SH2D4A: variants seen among roughly 807,000 people sequenced by gnomAD.
SH2D4A encodes SH2 domain-containing protein 4A.
In SH2D4A, 70 loss-of-function variants were observed where a neutral mutation model predicts 64.7. The ratio of observed to expected loss-of-function variants is 1.08; its 90% confidence interval spans 0.89 to 1.32. The LOEUF is 1.32. Ranked by LOEUF, SH2D4A falls within the 40% of genes most tolerant of loss-of-function variation. The pLI is 0.00. For synonymous variants in SH2D4A, 268 were observed against 200.7 expected (o/e 1.34, Z -2.83); for missense variants, 706 against 540.1 (o/e 1.31, Z -3.04).
In SH2D4A at chr8:19,395,788, A is replaced by G. The variant is rs181433050; in HGVS notation, c.*1146A>G. 3.3e-4 allele frequency: 50 copies of G among 152,340 alleles called. 1 individual carries two copies. Among genetic ancestry groups the G allele is most frequent in the African/African-American group, 1.1e-3 (45 of 41,572 alleles). 9.4% of individuals were successfully genotyped at this position (152,340 alleles called of 1,614,324 possible). On this transcript the variant is annotated 3_prime_UTR_variant, in exon 10 of 10. Transcript: ENST00000265807. The stretch of plus-strand genomic sequence containing the variant: ...TTCCAGACTCCAGAACTGGAAGAAT[A>G]AATGTCTGTTGTTTTAAGCTGCTTA...
intron 3 of SH2D4A, among the ~76,000 whole-genome samples, chr8:19,333,946 A>G (rs947748320): frequency 2.0e-5 from 3 of 152,156 alleles, no homozygotes; most frequent in Non-Finnish European, 4.4e-5. Context: ...CACTTGGACA[A>G]CTGCTTCAGA....
intron 4 of SH2D4A, among the ~76,000 whole-genome samples, chr8:19,353,927 T>G (rs1213458463): frequency 6.6e-6 from 1 of 152,022 alleles, no homozygotes; most frequent in Non-Finnish European, 1.5e-5. Context: ...TTACAGTATG[T>G]TTTAGACACA....
chr8:19,335,024 C>T (rs3988307), intron 4 of SH2D4A, among the ~76,000 whole-genome samples, 167 bp downstream of exon 4: 53,522 of 151,842 alleles, frequency 0.35, 10,053 homozygotes, highest in Non-Finnish European at 0.43. Context: ...TGGCTCATGC[C>T]TGTAATCCCA....
At chr8:19,364,037 G>T (rs774938668) in intron 6 of SH2D4A, 35 bp from the exon 7 acceptor site, 11 of 1,608,882 alleles carry the variant, frequency 6.8e-6, no homozygotes, top group African/African-American at 1.3e-5. Context: ...TCTGTGGGCT[G>T]ATGAGGGTTT....
At chr8:19,393,184 A>G (rs768748286) in intron 8 of SH2D4A, 134 bp from the exon 9 acceptor site, 1 of 765,850 alleles carries the variant, frequency 1.3e-6, no homozygotes, top group Non-Finnish European at 2.2e-6. Flanking sequence ...AAGAAGCCCA[A>G]AACAGACTTA....
chr8:19,340,249 C>CAGGCA (rs2052508501), intron 4 of SH2D4A, among the ~76,000 whole-genome samples: 1 of 152,074 alleles, frequency 6.6e-6, no homozygotes, highest in South Asian at 2.1e-4. Flanking sequence ...GGGGCAGGGC[C>CAGGCA]AGGCAAGACA....
In SH2D4A at chr8:19,314,029, G is replaced by GGGTGTCC. The variant is rs35550040; in HGVS notation, c.-205+234_-205+240dup. 18 of 1,138,476 alleles carry GGGTGTCC rather than the reference G, an allele frequency of 1.6e-5. No individual in the cohort carries two copies. In the African/African-American group the frequency reaches 1.8e-4, roughly 11 times the overall value. 70.5% of individuals were successfully genotyped at this position (1,138,476 alleles called of 1,614,324 possible). ...GTTGGGCGGCGAGAGCGGCCGCGGC[G>GGGTGTCC]GGTGTCCGGTGTCCGGTGTCCGGTG... On this transcript the variant is annotated intron_variant, in intron 1 of 9. Transcript: ENST00000265807.
rs1050901693 is a variant in SH2D4A at position 19,364,997 on chromosome 8, T to C, written c.917+715T>C. 5.3e-5 allele frequency among the ~76,000 whole-genome samples: 8 copies of C among 152,238 alleles called. 1 individual carries two copies. The highest frequency in any genetic ancestry group is 1.9e-4 in the African/African-American group (8 of 41,464). On this transcript the variant is annotated intron_variant, in intron 7 of 9. Transcript: ENST00000265807. ...TAAATTTTTTTCTGGTTATTGATCT[T>C]ATTTTTAACATCCTAGTATTTAGAA...
Position 19,314,049 on chromosome 8 carries a change from C to A in SH2D4A, c.-205+226C>A. ...GCGGCGGGTGTCCGGTGTCCGGTGT[C>A]CGGTGTCCGGTGTCTGGAGCCGCTG... On this transcript the variant is annotated intron_variant, in intron 1 of 9. Coordinates refer to ENST00000265807, the MANE Select transcript of SH2D4A (RefSeq NM_022071.4). 2.5e-6 allele frequency: 3 copies of A among 1,206,634 alleles called. No homozygotes were observed. In the African/African-American group the frequency reaches 4.8e-5, roughly 19 times the overall value. 74.7% of individuals were successfully genotyped at this position (1,206,634 alleles called of 1,614,324 possible).
chr8:19,349,926 A>G (rs1167661372), intron 4 of SH2D4A, among the ~76,000 whole-genome samples: 1 of 151,996 alleles, frequency 6.6e-6, no homozygotes, highest in African/African-American at 2.4e-5. Flanking sequence ...CTGGTCTCAA[A>G]CTCCTGACCT....
chr8:19,359,673 T>A (rs927962936), intron 5 of SH2D4A, among the ~76,000 whole-genome samples: 1 of 149,816 alleles, frequency 6.7e-6, no homozygotes, highest in Non-Finnish European at 1.5e-5. Context: ...GGAGCTTAGC[T>A]CTAGGCAGGA....
intron 5 of SH2D4A, among the ~76,000 whole-genome samples, chr8:19,359,939 C>T (rs868633872): frequency 6.6e-6 from 1 of 152,216 alleles, no homozygotes; most frequent in Non-Finnish European, 1.5e-5. Context: ...TGGGCACAGG[C>T]AGCCCTTTCT....
At chr8:19,388,974 G>C (rs1029207323) in intron 8 of SH2D4A, among the ~76,000 whole-genome samples, 1 of 152,182 alleles carries the variant, frequency 6.6e-6, no homozygotes, top group Admixed American at 6.5e-5. Flanking sequence ...AACTAGCTGA[G>C]TACACAGATG....
intron 9 of SH2D4A, among the ~76,000 whole-genome samples, chr8:19,394,125 A>G (rs1048460992): frequency 6.6e-6 from 1 of 152,170 alleles, no homozygotes; most frequent in African/African-American, 2.4e-5. Flanking sequence ...TCCCATGCAC[A>G]GTTCACAATA....
chr8:19,361,674 A>G lies in SH2D4A; in HGVS notation c.706+360A>G, dbSNP rs185682334. Among the ~76,000 whole-genome samples, 534 of 152,360 alleles carry G rather than the reference A, an allele frequency of 3.5e-3. 5 individuals are homozygous for G. Among genetic ancestry groups the G allele is most frequent in the Non-Finnish European group, 5.3e-3 (361 of 68,034 alleles). Reference sequence around the variant, plus strand: ...AATAGAATGAAAAGCTTCGCTATTTAGAAATGTCTAAGTATCTGAAGGAAA... The same window carrying G: ...AATAGAATGAAAAGCTTCGCTATTTGGAAATGTCTAAGTATCTGAAGGAAA... On this transcript the variant is annotated intron_variant, in intron 6 of 9. Coordinates refer to ENST00000265807, the MANE Select transcript of SH2D4A (RefSeq NM_022071.4).
At chr8:19,366,794 C>T (rs966368335) in intron 7 of SH2D4A, among the ~76,000 whole-genome samples, 4 of 152,048 alleles carry the variant, frequency 2.6e-5, no homozygotes, top group Non-Finnish European at 5.9e-5. Context: ...TCTGTCTCAA[C>T]AACAACAAAA....
intron 6 of SH2D4A, among the ~76,000 whole-genome samples, chr8:19,363,084 T>A (rs1795443420): frequency 6.6e-6 from 1 of 152,110 alleles, no homozygotes; most frequent in Non-Finnish European, 1.5e-5. Flanking sequence ...TGATTATTTT[T>A]ATTTTTTTGA....
At chr8:19,339,416 A>G (rs567622132) in intron 4 of SH2D4A, among the ~76,000 whole-genome samples, 1 of 152,110 alleles carries the variant, frequency 6.6e-6, no homozygotes, top group African/African-American at 2.4e-5. Context: ...CAGGTATTCA[A>G]TACTGGGCAC....
intron 8 of SH2D4A, among the ~76,000 whole-genome samples, chr8:19,392,703 C>G (rs557661462): frequency 2.0e-4 from 31 of 152,132 alleles, no homozygotes; most frequent in Non-Finnish European, 3.7e-4. Context: ...GTGTGTTGCT[C>G]TAAATGGGTG....
Sources: allele counts gnomAD v4.1 joint callset (sites outside exome capture counted in the v4.1 genomes callset), GRCh38; gene constraint gnomAD v4.1.1; transcripts MANE v1.5; gene names NCBI Gene and HGNC (gene_info 2026-07-23, HGNC 2026-07-21).